PRKCA: variants seen among roughly 807,000 people sequenced by gnomAD.
PRKCA encodes protein kinase C alpha, also known as protein kinase C alpha type.
A neutral mutation model predicts 87.0 loss-of-function variants in PRKCA; 27 were observed. That is an observed-to-expected ratio of 0.31 (90% CI 0.23 to 0.43). The LOEUF (loss-of-function observed/expected upper bound fraction) is 0.43. Ranked by LOEUF, PRKCA falls within the 20% of genes least tolerant of loss-of-function variation. PRKCA has a pLI of 1.00. For missense variants in PRKCA, 518 were observed against 852.3 expected (o/e 0.61, Z 4.88); for synonymous variants, 329 against 311.1 (o/e 1.06, Z -0.61).
At chr17:66,678,796 G>A (rs370157775) in intron 5 of PRKCA, among the ~76,000 whole-genome samples, 2 of 152,118 alleles carry the variant, frequency 1.3e-5, no homozygotes, top group South Asian at 2.1e-4. Context: ...GTGGAGTGTC[G>A]TTTTTCCTTG....
chr17:66,498,953 G>A (rs901352398), intron 3 of PRKCA, among the ~76,000 whole-genome samples: 1 of 152,198 alleles, frequency 6.6e-6, no homozygotes, highest in African/African-American at 2.4e-5. Context: ...GGGGGCCCAG[G>A]AAAGAGTTTA....
At chr17:66,365,251 C>G (rs1018268121) in intron 2 of PRKCA, among the ~76,000 whole-genome samples, 1 of 152,110 alleles carries the variant, frequency 6.6e-6, no homozygotes, top group Non-Finnish European at 1.5e-5. Context: ...TTTCTGGCAT[C>G]TATTGAGCAA....
Position 66,309,731 on chromosome 17 carries a change from T to G in PRKCA, c.205+3604T>G, listed in dbSNP as rs546347299. Among the ~76,000 whole-genome samples the G allele has an allele frequency of 2.0e-4, 31 of 152,338 alleles. No homozygotes were observed. The South Asian group carries it at 6.4e-3, about 32-fold the overall frequency. ...ATTTTTGGTTGAATGTTTTTTTGCT[T>G]GATGTACCCCTAGCACTCATTTCAT... is the stretch of plus-strand genomic sequence containing the variant. On this transcript the variant is annotated intron_variant, in intron 2 of 16. Transcript: ENST00000413366.
intron 8 of PRKCA, among the ~76,000 whole-genome samples, chr17:66,701,534 A>G (rs1384475040): frequency 6.6e-6 from 1 of 152,204 alleles, no homozygotes; most frequent in Non-Finnish European, 1.5e-5. Context: ...AATAGGAGAA[A>G]ATATTTGCAA....
intron 3 of PRKCA, among the ~76,000 whole-genome samples, chr17:66,596,147 G>A (rs553549766): frequency 9.2e-5 from 14 of 152,288 alleles, no homozygotes; most frequent in Non-Finnish European, 1.0e-4. Context: ...TAACTAGCAG[G>A]TGGTTGTGGT....
At chr17:66,752,351 T>C (rs1207505614) in intron 13 of PRKCA, among the ~76,000 whole-genome samples, 1 of 152,200 alleles carries the variant, frequency 6.6e-6, no homozygotes, top group Non-Finnish European at 1.5e-5. Flanking sequence ...TCCCAGCACT[T>C]TGGGAGGCCG....
Position 66,663,058 on chromosome 17 carries a change from C to T in PRKCA, c.529+17547C>T, listed in dbSNP as rs149458278. Reference sequence around the variant, plus strand: ...GCGGATGGAGGAAGGATACCCTTGCCGGTGGACAGTTGCCTCCTAATCAGG... The same window carrying T: ...GCGGATGGAGGAAGGATACCCTTGCTGGTGGACAGTTGCCTCCTAATCAGG... On this transcript the variant is annotated intron_variant, in intron 5 of 16. Coordinates refer to ENST00000413366, the MANE Select transcript of PRKCA (RefSeq NM_002737.3). 8.5e-5 allele frequency among the ~76,000 whole-genome samples: 13 copies of T among 152,270 alleles called. No homozygotes were observed. The East Asian group carries it at 1.5e-3, about 18-fold the overall frequency.
At chr17:66,771,351 T>A (rs530240143) in intron 13 of PRKCA, among the ~76,000 whole-genome samples, 1 of 152,328 alleles carries the variant, frequency 6.6e-6, no homozygotes, top group Admixed American at 6.5e-5. Context: ...AAGCATTTAT[T>A]TTGACCCACC....
At chr17:66,720,179 T>C (rs1973578519) in intron 8 of PRKCA, among the ~76,000 whole-genome samples, 1 of 151,582 alleles carries the variant, frequency 6.6e-6, no homozygotes, top group East Asian at 1.9e-4. Context: ...TCAGAAGGAG[T>C]AGGGAGCCTC....
intron 3 of PRKCA, among the ~76,000 whole-genome samples, chr17:66,544,949 T>A (rs1025229486): frequency 1.3e-5 from 2 of 152,238 alleles, no homozygotes; most frequent in Admixed American, 6.5e-5. Flanking sequence ...GTTAATAAAT[T>A]ACCATTATTT....
chr17:66,696,170 C>G (rs909829586), intron 8 of PRKCA, among the ~76,000 whole-genome samples: 11 of 152,226 alleles, frequency 7.2e-5, no homozygotes, highest in African/African-American at 2.4e-4. Flanking sequence ...ATATTCCTTT[C>G]ATTTGAGAAG....
At chr17:66,384,405 G>T (rs897976965) in intron 2 of PRKCA, among the ~76,000 whole-genome samples, 2 of 152,070 alleles carry the variant, frequency 1.3e-5, no homozygotes, top group African/African-American at 4.8e-5. Context: ...GGATTTTCTC[G>T]CACATTTCCT....
chr17:66,319,936 G>A (rs1235647746), intron 2 of PRKCA, among the ~76,000 whole-genome samples: 1 of 151,990 alleles, frequency 6.6e-6, no homozygotes, highest in Non-Finnish European at 1.5e-5. Context: ...TAGAGACAGG[G>A]TTTCGCCATG....
At chr17:66,744,403 T>C (rs7209592) in intron 13 of PRKCA, among the ~76,000 whole-genome samples, 3,573 of 152,348 alleles carry the variant, frequency 0.023, 134 homozygotes, top group African/African-American at 0.079. Flanking sequence ...TCAGCCTTCA[T>C]TGAACAATTC....
At position 66,513,087 on chromosome 17, in the gene PRKCA, T is replaced by C. The variant is rs1267090263; in HGVS notation, c.288+16804T>C. Among the ~76,000 whole-genome samples the C allele has an allele frequency of 2.0e-5, 3 of 152,236 alleles. 1 individual carries two copies. Among genetic ancestry groups the C allele is most frequent in the Admixed American group, 2.0e-4 (3 of 15,284 alleles). On this transcript the variant is annotated intron_variant, in intron 3 of 16. Coordinates refer to ENST00000413366, the MANE Select transcript of PRKCA (RefSeq NM_002737.3). Reference sequence around the variant, plus strand: ...TTGTTACTTGATTATTGGGTATCTTTCCACCAACTTGAAAGCACCGTGAGA... The same window carrying C: ...TTGTTACTTGATTATTGGGTATCTTCCCACCAACTTGAAAGCACCGTGAGA...
At chr17:66,422,887 G>T (rs958196046) in intron 2 of PRKCA, among the ~76,000 whole-genome samples, 5 of 151,936 alleles carry the variant, frequency 3.3e-5, no homozygotes, top group Admixed American at 1.3e-4. Flanking sequence ...GAGGCAGGTG[G>T]ATCGCCTGAG....
chr17:66,473,584 G>T (rs181636703), intron 2 of PRKCA, among the ~76,000 whole-genome samples: 2 of 152,038 alleles, frequency 1.3e-5, no homozygotes, highest in Non-Finnish European at 1.5e-5. Context: ...TGATAACTGC[G>T]GCACCATCCA....
intron 2 of PRKCA, among the ~76,000 whole-genome samples, chr17:66,337,920 T>TAA (rs548665610): frequency 6.7e-6 from 1 of 148,852 alleles, no homozygotes; most frequent in Admixed American, 6.7e-5. Flanking sequence ...AAAAGCCAAT[T>TAA]AAAAAAAAAA....
intron 8 of PRKCA, among the ~76,000 whole-genome samples, chr17:66,731,492 G>A (rs750713834): frequency 3.3e-5 from 5 of 152,272 alleles, no homozygotes; most frequent in East Asian, 1.9e-4. Context: ...GCTCCTTCCC[G>A]TCAGGCAGAT....
Sources: allele counts gnomAD v4.1 joint callset (sites outside exome capture counted in the v4.1 genomes callset), GRCh38; gene constraint gnomAD v4.1.1; transcripts MANE v1.5; gene names NCBI Gene and HGNC (gene_info 2026-07-23, HGNC 2026-07-21).